The following LHFPL6 variants were observed in gnomAD, a reference collection of about 807,000 sequenced individuals.
LHFPL6 encodes LHFPL tetraspan subfamily member 6, also known as LHFPL tetraspan subfamily member 6 protein.
Under a neutral mutation model 20.6 loss-of-function variants are expected in LHFPL6, and 9 were observed. The ratio of observed to expected loss-of-function variants is 0.44; its 90% CI spans 0.26 to 0.76. The LOEUF (loss-of-function observed/expected upper bound fraction) is 0.76, where lower values mean the gene tolerates loss of function less well. Among genes scored for constraint, LHFPL6 ranks in the 30% least tolerant of loss-of-function variants. The pLI is 0.20. For synonymous variants in LHFPL6, 105 were observed against 98.7 expected (o/e 1.06, Z -0.38); for missense variants, 218 against 253.5 (o/e 0.86, Z 0.95).
At chr13:39,575,369 T>C (rs2138534414) in intron 2 of LHFPL6, among the ~76,000 whole-genome samples, 1 of 152,334 alleles carries the variant, frequency 6.6e-6, no homozygotes, top group East Asian at 1.9e-4. Context: ...CGATTTTTAA[T>C]ACATTTTCCT....
intron 2 of LHFPL6, among the ~76,000 whole-genome samples, chr13:39,459,237 TG>T (rs1872639377): frequency 7.1e-6 from 1 of 141,028 alleles, no homozygotes; most frequent in African/African-American, 2.6e-5. Flanking sequence ...TGTGTGTGTG[TG>T]TGTTCGTGTG....
intron 2 of LHFPL6, among the ~76,000 whole-genome samples, chr13:39,420,312 G>C (rs944392632): frequency 2.6e-5 from 4 of 152,188 alleles, no homozygotes; most frequent in African/African-American, 4.8e-5. Flanking sequence ...TCTTTAGGTA[G>C]GTTTGGTTAA....
At chr13:39,557,340 G>T (rs1187817644) in intron 2 of LHFPL6, among the ~76,000 whole-genome samples, 2 of 152,238 alleles carry the variant, frequency 1.3e-5, no homozygotes, top group African/African-American at 4.8e-5. Flanking sequence ...TGTTAAGCCT[G>T]TAGGCCTATG....
intron 2 of LHFPL6, among the ~76,000 whole-genome samples, chr13:39,580,637 AAATATTTATGTAAC>A (rs1872253877): frequency 6.6e-6 from 1 of 152,186 alleles, no homozygotes; most frequent in Non-Finnish European, 1.5e-5. Context: ...AGGATTCAAT[AAATATTTATGTAAC>A]CAACTGTTGG....
chr13:39,544,641 G>A (rs968273530), intron 2 of LHFPL6, among the ~76,000 whole-genome samples: 2 of 152,008 alleles, frequency 1.3e-5, no homozygotes, highest in Non-Finnish European at 2.9e-5. Flanking sequence ...ACATTGAATG[G>A]GAATGATTCT....
intron 3 of LHFPL6, among the ~76,000 whole-genome samples, chr13:39,365,102 T>A (rs547819717): frequency 6.6e-6 from 1 of 152,266 alleles, no homozygotes; most frequent in East Asian, 1.9e-4. Flanking sequence ...TAGCTGCTAT[T>A]TATAAAGGCT....
chr13:39,553,200 C>T (rs1173030425), intron 2 of LHFPL6, among the ~76,000 whole-genome samples: 1 of 152,100 alleles, frequency 6.6e-6, no homozygotes, highest in Non-Finnish European at 1.5e-5. Flanking sequence ...TAATGGAATA[C>T]AATTTAGAAA....
At chr13:39,463,709 G>A (rs137945909) in intron 2 of LHFPL6, among the ~76,000 whole-genome samples, 2 of 152,262 alleles carry the variant, frequency 1.3e-5, no homozygotes, top group East Asian at 3.9e-4. Flanking sequence ...GGGCAGGGAG[G>A]TATGAAATCT....
chr13:39,488,473 TC>T (rs1868798395), intron 2 of LHFPL6, among the ~76,000 whole-genome samples: 2 of 152,252 alleles, frequency 1.3e-5, no homozygotes, highest in South Asian at 4.2e-4. Context: ...CTGTTCCTTT[TC>T]CATTCCTGTC....
In LHFPL6 at chr13:39,593,411, C is replaced by T. The variant is rs1162692397; in HGVS notation, c.385+7421G>A. ...ACCTAGGAATCCAACTCACAAGGGA[C>T]GTGAAGGACCTCTTCAAGGAGAACT... On this transcript the variant is annotated intron_variant, in intron 2 of 3. Coordinates refer to ENST00000379589, the MANE Select transcript of LHFPL6 (RefSeq NM_005780.3). Among the ~76,000 whole-genome samples the T allele has an allele frequency of 9.1e-3, 1,377 of 152,068 alleles. 16 individuals are homozygous for T. Among genetic ancestry groups the T allele is most frequent in the African/African-American group, 0.031 (1,300 of 41,440 alleles).
chr13:39,571,261 C>T (rs1871904841), intron 2 of LHFPL6, among the ~76,000 whole-genome samples: 1 of 152,350 alleles, frequency 6.6e-6, no homozygotes, highest in East Asian at 1.9e-4. Flanking sequence ...AATCCTCCGA[C>T]CAGATTGAGA....
rs1353890170 is a variant in LHFPL6 at position 39,579,100 on chromosome 13, G to A, written c.385+21732C>T. ...TGGTAATATGTCCAGTAGTGCCTGG[G>A]GTAACACTGTAGGAGGTCTTTATCT... On this transcript the variant is annotated intron_variant, in intron 2 of 3. Coordinates refer to ENST00000379589, the MANE Select transcript of LHFPL6 (RefSeq NM_005780.3). Among the ~76,000 whole-genome samples, 3 of 152,134 alleles carry A rather than the reference G, an allele frequency of 2.0e-5. No individual in the cohort carries two copies. The East Asian group carries it at 5.8e-4, about 29-fold the overall frequency.
intron 2 of LHFPL6, among the ~76,000 whole-genome samples, chr13:39,456,019 T>C (rs1014599208): frequency 1.3e-5 from 2 of 152,226 alleles, no homozygotes; most frequent in African/African-American, 4.8e-5. Context: ...AGAGCTGGAA[T>C]GTGTTGCTCA....
rs893552829 is a variant in LHFPL6, at chr13:39,422,856, G to A, written c.386-44330C>T. ...AATTAACTCACAGTTCCATGGGACT[G>A]GGGAGGCCTCAGGAAACTTACAATC... is the stretch of plus-strand genomic sequence containing the variant. On this transcript the variant is annotated intron_variant, in intron 2 of 3. Coordinates refer to ENST00000379589, the MANE Select transcript of LHFPL6 (RefSeq NM_005780.3). Among the ~76,000 whole-genome samples the A allele has an allele frequency of 5.3e-5, 8 of 152,084 alleles. No homozygotes were observed. The East Asian group carries it at 9.7e-4, about 18-fold the overall frequency.
At chr13:39,403,914 G>C (rs1303767687) in intron 2 of LHFPL6, among the ~76,000 whole-genome samples, 4 of 152,130 alleles carry the variant, frequency 2.6e-5, no homozygotes, top group Admixed American at 6.5e-5. Context: ...TTGGATATGT[G>C]CCCAGCATTG....
At position 39,582,519 on chromosome 13, in the gene LHFPL6, T is replaced by G. The variant is rs1244142500; in HGVS notation, c.385+18313A>C. On this transcript the variant is annotated intron_variant, in intron 2 of 3. Coordinates refer to ENST00000379589, the MANE Select transcript of LHFPL6 (RefSeq NM_005780.3). Reference sequence around the variant, plus strand: ...GCTACCACAGCTAACCCGCAACCAATGGGAAGGCATTTCACAATGCAGGAA... The same window carrying G: ...GCTACCACAGCTAACCCGCAACCAAGGGGAAGGCATTTCACAATGCAGGAA... 3.9e-5 allele frequency among the ~76,000 whole-genome samples: 6 copies of G among 152,186 alleles called. No individual in the cohort carries two copies. In the East Asian group the frequency reaches 1.2e-3, roughly 29 times the overall value.
chr13:39,465,874 T>C (rs1872791356), intron 2 of LHFPL6, among the ~76,000 whole-genome samples: 1 of 151,972 alleles, frequency 6.6e-6, no homozygotes, highest in Non-Finnish European at 1.5e-5. Flanking sequence ...CAGCTAGCAA[T>C]GACCTAGCAA....
intron 2 of LHFPL6, among the ~76,000 whole-genome samples, chr13:39,414,016 G>A (rs1441767794): frequency 6.6e-6 from 1 of 152,094 alleles, no homozygotes; most frequent in African/African-American, 2.4e-5. Flanking sequence ...TTTCATTGCT[G>A]CATAGCATTT....
chr13:39,504,577 C>G (rs561424059), intron 2 of LHFPL6, among the ~76,000 whole-genome samples: 1 of 152,198 alleles, frequency 6.6e-6, no homozygotes, highest in Non-Finnish European at 1.5e-5. Flanking sequence ...TGGTCCCCTT[C>G]TTGCTCATCC....
Sources: allele counts gnomAD v4.1 joint callset (sites outside exome capture counted in the v4.1 genomes callset), GRCh38; gene constraint gnomAD v4.1.1; transcripts MANE v1.5; gene names NCBI Gene and HGNC (gene_info 2026-07-23, HGNC 2026-07-21).